Variants in B3GALT1 observed in about 807,000 individuals in gnomAD.
B3GALT1 encodes beta-1,3-galactosyltransferase 1, also known as UDP-Gal:betaGlcNAc beta 1,3-galactosyltransferase, polypeptide 1.
A neutral mutation model predicts 23.2 loss-of-function variants in B3GALT1; 10 were observed. The observed-to-expected ratio is 0.43, with a 90% CI of 0.27 to 0.73. The LOEUF (loss-of-function observed/expected upper bound fraction) is 0.73, where lower values mean the gene tolerates loss of function less well. Among genes scored for constraint, B3GALT1 ranks in the 30% least tolerant of loss-of-function variants. The pLI is 0.21. For missense variants in B3GALT1, 299 were observed against 405.4 expected, an observed-to-expected ratio of 0.74 and a Z score of 2.25; for synonymous variants, 156 against 141.5, an observed-to-expected ratio of 1.10 and a Z score of -0.73.
chr2:167,333,869 A>G (rs185791517), intron 1 of B3GALT1, among the ~76,000 whole-genome samples: 1 of 152,282 alleles, frequency 6.6e-6, no homozygotes, highest in East Asian at 1.9e-4. Flanking sequence ...TAGAGAAAAA[A>G]CAACCTGTCT....
chr2:167,448,190 G>T (rs2105318262), intron 1 of B3GALT1, among the ~76,000 whole-genome samples: 1 of 152,184 alleles, frequency 6.6e-6, no homozygotes. Flanking sequence ...TTCTTTAAGG[G>T]ATATCCTCAC....
chr2:167,595,690 T>C (rs1684762964), intron 2 of B3GALT1, among the ~76,000 whole-genome samples: 1 of 152,212 alleles, frequency 6.6e-6, no homozygotes. Flanking sequence ...AAATATAATG[T>C]TTAATATTAA....
intron 3 of B3GALT1, among the ~76,000 whole-genome samples, chr2:167,694,563 A>G (rs1440538345): frequency 1.3e-5 from 2 of 152,164 alleles, no homozygotes; most frequent in South Asian, 2.1e-4. Context: ...TCTGTGAAAT[A>G]ATAAATTTTA....
chr2:167,748,980 T>A (rs1338332824), intron 3 of B3GALT1, among the ~76,000 whole-genome samples: 1 of 152,146 alleles, frequency 6.6e-6, no homozygotes, highest in Non-Finnish European at 1.5e-5. Context: ...TAGAAGTAGT[T>A]GGTACTCCAG....
intron 4 of B3GALT1, among the ~76,000 whole-genome samples, chr2:167,837,945 G>A (rs1325145781): frequency 6.6e-6 from 1 of 152,138 alleles, no homozygotes; most frequent in African/African-American, 2.4e-5. Flanking sequence ...CATAACAAAT[G>A]AAGGCAGACA....
intron 3 of B3GALT1, among the ~76,000 whole-genome samples, chr2:167,674,221 G>A (rs373639253): frequency 2.6e-4 from 39 of 152,178 alleles, no homozygotes; most frequent in African/African-American, 9.1e-4. Flanking sequence ...TTAAGATGGT[G>A]CCTGCCAACA....
rs1491317199 is a variant in B3GALT1 at position 167,774,498 on chromosome 2, T to TG, written c.-351-44174_-351-44173insG. 9.1e-3 allele frequency among the ~76,000 whole-genome samples: 314 copies of TG among 34,408 alleles called. 2 individuals carry two copies. Among genetic ancestry groups the TG allele is most frequent in the African/African-American group, 0.055 (277 of 5,048 alleles). 22.6% of individuals were successfully genotyped at this position (34,408 alleles called of 152,430 possible). A position where few individuals can be genotyped will look rare whatever the true frequency, so the allele number is the denominator to read the frequency against. ...TTTTTTTTTTTTGTTTTTTTTTTTG[T>TG]TTTTTTTTTTTTTTTTGGAGACAGA... On this transcript the variant is annotated intron_variant, in intron 3 of 4. Coordinates refer to ENST00000392690, the MANE Select transcript of B3GALT1 (RefSeq NM_020981.4).
rs67927245 is a variant in B3GALT1 at position 167,512,536 on chromosome 2, A to ATATATATATG, written c.-410+22279_-410+22288dup. Among the ~76,000 whole-genome samples, 21 of 98,592 alleles carry ATATATATATG rather than the reference A, an allele frequency of 2.1e-4. 1 individual carries two copies. Among genetic ancestry groups the ATATATATATG allele is most frequent in the African/African-American group, 1.0e-3 (21 of 20,166 alleles). 64.7% of individuals were successfully genotyped at this position (98,592 alleles called of 152,430 possible). A position where few individuals can be genotyped will look rare whatever the true frequency, so the allele number is the denominator to read the frequency against. On this transcript the variant is annotated intron_variant, in intron 2 of 4. Coordinates refer to ENST00000392690, the MANE Select transcript of B3GALT1 (RefSeq NM_020981.4). ...TATATACATATATATGTGTGTGTGT[A>ATATATATATG]TATATATATGTATATATATGTATAT...
chr2:167,507,716 C>A (rs1186781381), intron 2 of B3GALT1, among the ~76,000 whole-genome samples: 2 of 151,516 alleles, frequency 1.3e-5, no homozygotes, highest in Non-Finnish European at 2.9e-5. Context: ...TGCATAAAGC[C>A]CTTAGTTATT....
chr2:167,865,095 C>T (rs899168824), intron 4 of B3GALT1, among the ~76,000 whole-genome samples: 2 of 152,232 alleles, frequency 1.3e-5, no homozygotes, highest in East Asian at 1.9e-4. Flanking sequence ...CAGAAAATCA[C>T]GCGGAAAAGT....
At chr2:167,662,895 G>A (rs939007552) in intron 3 of B3GALT1, among the ~76,000 whole-genome samples, 1 of 151,918 alleles carries the variant, frequency 6.6e-6, no homozygotes, top group Non-Finnish European at 1.5e-5. Context: ...ATATGCATAT[G>A]ACTGCCTTGT....
At chr2:167,600,547 C>G (rs1374475868) in intron 2 of B3GALT1, among the ~76,000 whole-genome samples, 1 of 152,184 alleles carries the variant, frequency 6.6e-6, no homozygotes, top group Non-Finnish European at 1.5e-5. Flanking sequence ...CCACCCACTC[C>G]TGTTCCCCCC....
intron 3 of B3GALT1, among the ~76,000 whole-genome samples, chr2:167,773,302 A>G (rs1013935349): frequency 3.3e-5 from 5 of 152,194 alleles, no homozygotes; most frequent in Admixed American, 6.5e-5. Context: ...ATGTATATAC[A>G]TATTTTTAAG....
chr2:167,547,662 C>T (rs1683661438), intron 2 of B3GALT1, among the ~76,000 whole-genome samples: 1 of 146,882 alleles, frequency 6.8e-6, no homozygotes, highest in Non-Finnish European at 1.5e-5. Flanking sequence ...GCACTGTACT[C>T]CGGCCTGGGC....
intron 1 of B3GALT1, among the ~76,000 whole-genome samples, chr2:167,433,772 C>T (rs568180894): frequency 6.6e-4 from 100 of 152,156 alleles, no homozygotes; most frequent in Non-Finnish European, 1.2e-3. Flanking sequence ...TATTAAAACA[C>T]GTAATAGGCC....
Position 167,869,440 on chromosome 2 carries a change from G to A in B3GALT1, c.401G>A (p.Ser134Asn). The A allele has an allele frequency of 1.2e-6, 2 of 1,614,004 alleles. No individual in the cohort carries two copies. The highest frequency in any genetic ancestry group is 1.7e-6 in the Non-Finnish European group (2 of 1,180,012). The change falls in exon 5 of 5, where the codon AGC becomes AAC. Residue 134 changes from serine to asparagine, a missense_variant. By Grantham distance (46) the Ser-to-Asn change is conservative. Around this residue, in one of 3 missense-constraint regions of B3GALT1, gnomAD observed 162 missense variants for 184.1 expected, o/e 0.88. Transcript: ENST00000392690. The surrounding 1 kb of genome is among the most constrained non-coding windows in gnomAD (Gnocchi z 6.4). ...PVLNQMVEQE[S>N]QIFHDIIVED... ...CTCAATCAGATGGTGGAGCAAGAGA[G>A]CCAAATCTTCCATGATATCATCGTG...
In B3GALT1 at chr2:167,720,608, C is replaced by G. The variant is rs535338463; in HGVS notation, c.-352+73642C>G. Among the ~76,000 whole-genome samples the G allele has an allele frequency of 3.3e-5, 5 of 152,296 alleles. No homozygotes were observed. In the South Asian group the frequency reaches 1.0e-3, roughly 32 times the overall value. ...CCAAAGAAGAATCCCAGGGACAGGA[C>G]ATGTGACAACCTCATTTATTCATTC... On this transcript the variant is annotated intron_variant, in intron 3 of 4. Coordinates refer to ENST00000392690, the MANE Select transcript of B3GALT1 (RefSeq NM_020981.4).
chr2:167,305,841 G>A (rs1424105525), intron 1 of B3GALT1, among the ~76,000 whole-genome samples: 5 of 152,012 alleles, frequency 3.3e-5, no homozygotes, highest in Non-Finnish European at 7.4e-5. Flanking sequence ...TTTCTCCTTT[G>A]CCATCCTGCG....
chr2:167,563,789 C>G (rs1375305662), intron 2 of B3GALT1, among the ~76,000 whole-genome samples: 1 of 134,148 alleles, frequency 7.5e-6, no homozygotes, highest in Non-Finnish European at 1.6e-5. Flanking sequence ...GCTGACCCCC[C>G]CACCTCCCCC....
Sources: gnomAD v4.1 joint callset for allele counts (sites outside exome capture counted in the v4.1 genomes callset) on GRCh38, gnomAD v4.1.1 for gene constraint, gnomAD v4.1.1 regional missense constraint, Gnocchi (gnomAD v3.1) non-coding constraint, MANE v1.5 for transcripts, NCBI Gene and HGNC (gene_info 2026-07-23, HGNC 2026-07-21) for gene names.